The following PKP4 variants were observed in gnomAD, a reference collection of about 807,000 sequenced individuals.
PKP4 encodes the protein plakophilin 4.
Under a neutral mutation model 145.1 loss-of-function variants are expected in PKP4, and 90 were observed. The observed-to-expected ratio is 0.62, with a 90% CI of 0.52 to 0.74. The LOEUF is 0.74. PKP4 is among the 30% of genes least tolerant of loss of function. The probability of loss-of-function intolerance (pLI) is 0.00; values close to 1 mark genes in which losing one functional copy is unlikely to be tolerated. For synonymous variants in PKP4, 563 were observed against 577.2 expected (o/e 0.98, Z 0.35); for missense variants, 1,340 against 1,482.7 (o/e 0.90, Z 1.58).
intron 3 of PKP4, among the ~76,000 whole-genome samples, chr2:158,579,892 G>A (rs2048190222): frequency 6.6e-6 from 1 of 151,918 alleles, no homozygotes; most frequent in Non-Finnish European, 1.5e-5. Context: ...TAGCAATACT[G>A]CATAATAATT....
intron 2 of PKP4, among the ~76,000 whole-genome samples, chr2:158,546,306 T>C (rs2045033781): frequency 6.6e-6 from 1 of 152,242 alleles, no homozygotes; most frequent in South Asian, 2.1e-4. Flanking sequence ...AGATTTTTGC[T>C]TTATTCTCTT....
intron 3 of PKP4, among the ~76,000 whole-genome samples, chr2:158,594,742 G>T (rs781284133): frequency 2.0e-5 from 3 of 151,960 alleles, no homozygotes; most frequent in African/African-American, 4.8e-5. Flanking sequence ...ATTTGGAAGG[G>T]GTTTCAAAAA....
rs568808562 is a variant in PKP4 at position 158,537,747 on chromosome 2, G to A, written c.132+4431G>A. 1.8e-4 allele frequency among the ~76,000 whole-genome samples: 27 copies of A among 152,286 alleles called. No homozygotes were observed. The South Asian group carries it at 4.8e-3, about 27-fold the overall frequency. On this transcript the variant is annotated intron_variant, in intron 2 of 21. Coordinates refer to ENST00000389759, the MANE Select transcript of PKP4 (RefSeq NM_003628.6). Reference sequence around the variant, plus strand: ...GTTGTAATAACTAGATAAATACAGCGCTGGGCATGGTGGTTCATGCCTGTA... The same window carrying A: ...GTTGTAATAACTAGATAAATACAGCACTGGGCATGGTGGTTCATGCCTGTA...
intron 19 of PKP4, 146 bp from the exon 20 acceptor site, chr2:158,676,592 TC>T: frequency 1.0e-6 from 1 of 962,858 alleles, no homozygotes; most frequent in South Asian, 1.5e-5. Flanking sequence ...GCTCTTCCAC[TC>T]CCAGCACCTC....
At chr2:158,568,952 G>A (rs1351083405) in intron 2 of PKP4, among the ~76,000 whole-genome samples, 2 of 152,116 alleles carry the variant, frequency 1.3e-5, no homozygotes, top group Non-Finnish European at 1.5e-5. Flanking sequence ...CAGCCTGGGC[G>A]ACAGAGTGAG....
At chr2:158,572,169 T>A (rs1445651354) in intron 2 of PKP4, among the ~76,000 whole-genome samples, 2 of 151,980 alleles carry the variant, frequency 1.3e-5, no homozygotes, top group Non-Finnish European at 2.9e-5. Context: ...AATACTGTCT[T>A]TGAAAAAAAA....
intron 11 of PKP4, among the ~76,000 whole-genome samples, chr2:158,644,379 G>A (rs1029621820): frequency 1.3e-5 from 2 of 152,176 alleles, no homozygotes; most frequent in Admixed American, 6.5e-5. Context: ...ATGTTGCAGT[G>A]CTAGTGGCTG....
At position 158,676,864 on chromosome 2, in the gene PKP4, C is replaced by T. The variant is rs772214242; in HGVS notation, c.3253C>T (p.Pro1085Ser). Residue 1085 changes from proline (P) to serine (S), a missense_variant, in exon 20 of 22, where the codon CCT becomes TCT. By Grantham distance (74) the Pro-to-Ser change is moderately conservative. Transcript: ENST00000389759. ...GGATGCCACACATAAAGGCCTGTAC[C>T]CTGGTAAGACGCCAGTTGGGTGTGT... The part of the protein sequence containing the change: ...QGDATHKGLY[P>S]GSSKPSPIYI... 45 of 1,613,902 alleles carry T rather than the reference C, an allele frequency of 2.8e-5. No individual in the cohort carries two copies. The highest frequency in any genetic ancestry group is 3.6e-5 in the Non-Finnish European group (43 of 1,180,014).
At chr2:158,523,353 A>AC (rs1553559293) in intron 1 of PKP4, among the ~76,000 whole-genome samples, 1 of 64,208 alleles carries the variant, frequency 1.6e-5, no homozygotes, top group Non-Finnish European at 3.1e-5. Flanking sequence ...ACCGGGAGGC[A>AC]CCCCCCCAGC....
Position 158,674,807 on chromosome 2 carries a change from C to G in PKP4, c.3127+807C>G, listed in dbSNP as rs185254346. ...TATTTTTATTTGGCTTTAAGTCACCCATTTGGACTTTTAAATATTATCTAT... is the reference window on the plus strand; with the variant it reads ...TATTTTTATTTGGCTTTAAGTCACCGATTTGGACTTTTAAATATTATCTAT... On this transcript the variant is annotated intron_variant, in intron 19 of 21. Coordinates refer to ENST00000389759, the MANE Select transcript of PKP4 (RefSeq NM_003628.6). 2.3e-3 allele frequency among the ~76,000 whole-genome samples: 350 copies of G among 152,248 alleles called. 2 individuals are homozygous for G. Among genetic ancestry groups the G allele is most frequent in the African/African-American group, 8.2e-3 (341 of 41,530 alleles).
intron 2 of PKP4, among the ~76,000 whole-genome samples, chr2:158,560,157 G>A (rs552024461): frequency 4.6e-5 from 7 of 152,258 alleles, no homozygotes; most frequent in South Asian, 4.1e-4. Context: ...GTGAGCCACC[G>A]TGCCTGGCTG....
At chr2:158,597,687 C>T (rs2049875139) in intron 3 of PKP4, among the ~76,000 whole-genome samples, 1 of 152,138 alleles carries the variant, frequency 6.6e-6, no homozygotes, top group African/African-American at 2.4e-5. Flanking sequence ...TGAGTTATCC[C>T]TTCTAATTAA....
chr2:158,668,827 G>A (rs941980619), intron 16 of PKP4, among the ~76,000 whole-genome samples: 2 of 152,146 alleles, frequency 1.3e-5, no homozygotes, highest in Admixed American at 6.5e-5. Flanking sequence ...AAATAAACAG[G>A]CCTTTATAAA....
intron 1 of PKP4, among the ~76,000 whole-genome samples, chr2:158,481,152 G>C (rs904950331): frequency 6.6e-6 from 1 of 152,102 alleles, no homozygotes; most frequent in Non-Finnish European, 1.5e-5. Context: ...TCGAACTCCT[G>C]AGCTCAAGCA....
intron 11 of PKP4, among the ~76,000 whole-genome samples, chr2:158,648,393 G>A (rs931767580): frequency 6.6e-6 from 1 of 152,166 alleles, no homozygotes; most frequent in Non-Finnish European, 1.5e-5. Flanking sequence ...GCCAGGCTAA[G>A]GTTTAACAAA....
intron 2 of PKP4, among the ~76,000 whole-genome samples, chr2:158,571,765 G>A (rs1302681593): frequency 6.6e-6 from 1 of 152,198 alleles, no homozygotes; most frequent in Non-Finnish European, 1.5e-5. Context: ...GAGGGTAAGA[G>A]ACTAGGAGGC....
intron 4 of PKP4, among the ~76,000 whole-genome samples, chr2:158,609,408 G>C (rs946121111): frequency 1.3e-5 from 2 of 152,090 alleles, no homozygotes; most frequent in Non-Finnish European, 2.9e-5. Flanking sequence ...CTCTTTATTC[G>C]TTTTTTGGTT....
chr2:158,583,637 C>G (rs569989838), intron 3 of PKP4, among the ~76,000 whole-genome samples: 2 of 152,208 alleles, frequency 1.3e-5, no homozygotes, highest in Admixed American at 6.5e-5. Flanking sequence ...ACCACTACAG[C>G]TGACATATAG....
intron 4 of PKP4, among the ~76,000 whole-genome samples, chr2:158,611,003 A>G (rs111640660): frequency 6.6e-6 from 1 of 152,248 alleles, no homozygotes; most frequent in Admixed American, 6.5e-5. Context: ...ATTGGTGCTC[A>G]TGGGTAAGAA....
Sources: allele counts gnomAD v4.1 joint callset (sites outside exome capture counted in the v4.1 genomes callset), GRCh38; gene constraint gnomAD v4.1.1; transcripts MANE v1.5; gene names NCBI Gene and HGNC (gene_info 2026-07-23, HGNC 2026-07-21).